The following FSD1 variants were observed in gnomAD, a reference collection of about 807,000 sequenced individuals.
The protein encoded by FSD1 is fibronectin type III and SPRY domain-containing protein 1.
FSD1 carries 23 observed loss-of-function variants against 58.2 expected under a neutral mutation model. That is an observed-to-expected ratio of 0.40 (90% CI 0.28 to 0.56). The LOEUF (loss-of-function observed/expected upper bound fraction) is 0.56, where lower values mean the gene tolerates loss of function less well. Among genes scored for constraint, FSD1 ranks in the 20% least tolerant of loss-of-function variants. The pLI, the probability that FSD1 is intolerant of heterozygous loss-of-function variation, is 0.54. For missense variants in FSD1, 563 were observed against 670.8 expected, an observed-to-expected ratio of 0.84 and a Z score of 1.78; for synonymous variants, 265 against 263.4, an observed-to-expected ratio of 1.01 and a Z score of -0.06.
intron 3 of FSD1, among the ~76,000 whole-genome samples, 162 bp from the exon 4 acceptor site, chr19:4,307,720 G>C (rs536267424): frequency 1.3e-5 from 2 of 152,156 alleles, no homozygotes; most frequent in African/African-American, 2.4e-5. Context: ...TGCTCCCCGA[G>C]CCCAGCCCCA....
In FSD1 at chr19:4,310,612, A is replaced by G. The variant is rs754230869; in HGVS notation, c.490+16A>G. 6 of 1,609,364 alleles carry G rather than the reference A, an allele frequency of 3.7e-6. No individual in the cohort carries two copies. The highest frequency in any genetic ancestry group is 2.7e-5 in the African/African-American group (2 of 74,912). On this transcript the variant is annotated intron_variant, in intron 6 of 12. Transcript: ENST00000221856. ...TTCCTGCCTGGTGAGAGGGGCACGC[A>G]CTAGAGGGCCAGGACTTCCGGGGAA...
chr19:4,305,916 CTGTG>C, intron 1 of FSD1, 26 bp from the exon 2 acceptor site: 1 of 1,516,866 alleles, frequency 6.6e-7, no homozygotes, highest in South Asian at 1.1e-5. Context: ...GTGTGTGCAC[CTGTG>C]TGTGTCCACA....
In FSD1 at chr19:4,323,085, G is replaced by T; in HGVS notation, c.1139G>T (p.Arg380Leu). The change falls in exon 11 of 13, where the codon CGC (arginine) becomes CTC (leucine). Residue 380 changes from arginine (R) to leucine (L), a missense_variant. Physicochemically the swap from Arg to Leu is moderately radical, Grantham distance 102. Transcript: ENST00000221856. The surrounding 1 kb of genome is among the most constrained non-coding windows in gnomAD (Gnocchi z 7.7). ...GGCGTGGCCTACCGCAGCCTGGGCCGCTTCGAGCAACTGGGCAAGACGGCC... is the reference window on the plus strand; with the variant it reads ...GGCGTGGCCTACCGCAGCCTGGGCCTCTTCGAGCAACTGGGCAAGACGGCC... ...GVGVAYRSLG[R>L]FEQLGKTAAS... 1 of 1,610,176 alleles carries T rather than the reference G, an allele frequency of 6.2e-7. No homozygotes were observed. Among genetic ancestry groups the T allele is most frequent in the South Asian group, 1.1e-5 (1 of 91,076 alleles).
At chr19:4,315,201 C>G (rs74172635) in intron 7 of FSD1, among the ~76,000 whole-genome samples, 13 of 151,916 alleles carry the variant, frequency 8.6e-5, no homozygotes, top group Non-Finnish European at 1.6e-4. Context: ...TCTCGGCTCT[C>G]TGCAACCTCT....
rs1599536304 is a variant in FSD1 at position 4,311,994 on chromosome 19, G to A, written c.643G>A (p.Glu215Lys). The change falls in exon 7 of 13, where the codon GAG becomes AAG. Residue 215 changes from glutamate to lysine, a missense_variant. Transcript: ENST00000221856. ...CTTCGAGGGCCCGCCCCGCCTCAAG[G>A]AGGACCAGCCCTGGATGGTCATCGA... The part of the protein sequence containing the change: ...TNFEGPPRLK[E>K]DQPWMVIEGI... 6.2e-7 allele frequency: 1 copy of A among 1,613,460 alleles called. No homozygotes were observed. The highest frequency in any genetic ancestry group is 8.5e-7 in the Non-Finnish European group (1 of 1,180,036).
intron 4 of FSD1, among the ~76,000 whole-genome samples, chr19:4,308,225 C>T (rs556924537): frequency 4.6e-5 from 7 of 151,754 alleles, no homozygotes; most frequent in East Asian, 3.9e-4. Flanking sequence ...CTGGCCAACA[C>T]GGGGAAACCC....
At chr19:4,310,420 C>T in intron 5 of FSD1, 55 bp from the exon 6 acceptor site, 4 of 1,604,060 alleles carry the variant, frequency 2.5e-6, no homozygotes, top group Non-Finnish European at 3.4e-6. Context: ...CCCCCTCGCG[C>T]CACGGATGAC....
Position 4,323,097 on chromosome 19 carries a change from T to G in FSD1, c.1151T>G (p.Leu384Arg), listed in dbSNP as rs755189864. The stretch of plus-strand genomic sequence containing the variant: ...CGCAGCCTGGGCCGCTTCGAGCAAC[T>G]GGGCAAGACGGCCGCCTCCTGGTGC... The part of the protein sequence containing the change: ...AYRSLGRFEQ[L>R]GKTAASWCLH... The change falls in exon 11 of 13, where the codon CTG (leucine) becomes CGG (arginine). Residue 384 changes from leucine to arginine, a missense_variant. Leu to Arg is a moderately radical substitution (Grantham distance 102). Coordinates refer to ENST00000221856, the MANE Select transcript of FSD1 (RefSeq NM_024333.3). The surrounding 1 kb of genome is among the most constrained non-coding windows in gnomAD (Gnocchi z 7.7). 6.2e-7 allele frequency: 1 copy of G among 1,609,388 alleles called. No individual in the cohort carries two copies. Among genetic ancestry groups the G allele is most frequent in the Non-Finnish European group, 8.5e-7 (1 of 1,179,734 alleles).
chr19:4,307,303 G>A (rs1006432445), intron 3 of FSD1, among the ~76,000 whole-genome samples: 1 of 152,122 alleles, frequency 6.6e-6, no homozygotes, highest in Non-Finnish European at 1.5e-5. Context: ...CGATCCTCCT[G>A]CCTTGGCCTC....
chr19:4,320,688 C>G (rs1013617798), intron 10 of FSD1, among the ~76,000 whole-genome samples: 2 of 151,024 alleles, frequency 1.3e-5, no homozygotes, highest in African/African-American at 4.9e-5. Flanking sequence ...ATAGCTGGGA[C>G]TTGAGGAGCA....
chr19:4,318,229 C>T, intron 8 of FSD1, 117 bp from the exon 9 acceptor site: 1 of 1,341,128 alleles, frequency 7.5e-7, no homozygotes, highest in Non-Finnish European at 1.0e-6. Flanking sequence ...ATCTCCTTGG[C>T]TCTTTGATTC....
chr19:4,309,646 A>G (rs1236606947), intron 4 of FSD1, among the ~76,000 whole-genome samples: 1 of 152,166 alleles, frequency 6.6e-6, no homozygotes. Flanking sequence ...GCAGTGGCTC[A>G]CGCCTGTAAT....
chr19:4,317,547 G>A (rs1490349081), intron 8 of FSD1, among the ~76,000 whole-genome samples: 4 of 152,204 alleles, frequency 2.6e-5, no homozygotes, highest in African/African-American at 9.7e-5. Context: ...GTCCTCTATA[G>A]AGCTGGGGAT....
intron 7 of FSD1, among the ~76,000 whole-genome samples, chr19:4,312,808 A>C: frequency 7.9e-6 from 1 of 125,928 alleles, no homozygotes; most frequent in East Asian, 2.0e-4. Context: ...CCGTCTCAAA[A>C]AATAAATAAA....
intron 4 of FSD1, among the ~76,000 whole-genome samples, chr19:4,308,350 G>A (rs1197434124): frequency 2.0e-5 from 3 of 152,174 alleles, no homozygotes; most frequent in African/African-American, 4.8e-5. Flanking sequence ...AGAGGTTGCC[G>A]TGAGCTGAGA....
In FSD1 at chr19:4,322,858, TG is replaced by T; in HGVS notation, c.1040-124del. 15 of 1,170,432 alleles carry T rather than the reference TG, an allele frequency of 1.3e-5. No homozygotes were observed. In the South Asian group the frequency reaches 2.1e-4, roughly 17 times the overall value. The allele number at this position is 1,170,432 out of a possible 1,614,324, so 72.5% of individuals were successfully genotyped here. On this transcript the variant is annotated intron_variant, in intron 10 of 12. Transcript: ENST00000221856. ...TATCTGGGGGGTACAGCTAGGAACC[TG>T]GGGAGTGTCTCTGCAGGGAGCAGCT...
At chr19:4,306,390 C>T (rs1030821275) in intron 3 of FSD1, 61 bp downstream of exon 3, 43 of 1,576,660 alleles carry the variant, frequency 2.7e-5, no homozygotes, top group Non-Finnish European at 3.6e-5. Context: ...ACGTAGCTGA[C>T]CTCGGCACCT....
intron 6 of FSD1, 148 bp downstream of exon 6, chr19:4,310,744 G>T (rs1332396250): frequency 9.0e-6 from 8 of 885,982 alleles, no homozygotes; most frequent in East Asian, 5.4e-5. Flanking sequence ...TCCACGCCCT[G>T]TGGGGGGTGG....
At position 4,313,674 on chromosome 19, in the gene FSD1, C is replaced by T. The variant is rs149433138; in HGVS notation, c.700+1623C>T. On this transcript the variant is annotated intron_variant, in intron 7 of 12. Transcript: ENST00000221856. Reference sequence around the variant, plus strand: ...CAGAAGTTGCAGTGAGCTGAGATTGCGCCACTGAGCTCCAGCCTGGTTACA... The same window carrying T: ...CAGAAGTTGCAGTGAGCTGAGATTGTGCCACTGAGCTCCAGCCTGGTTACA... 1.2e-4 allele frequency among the ~76,000 whole-genome samples: 18 copies of T among 148,982 alleles called. 1 individual carries two copies. Among genetic ancestry groups the T allele is most frequent in the Admixed American group, 6.8e-5 (1 of 14,780 alleles).
Sources: gnomAD v4.1 joint callset for allele counts (sites outside exome capture counted in the v4.1 genomes callset) on GRCh38, gnomAD v4.1.1 for gene constraint, Gnocchi (gnomAD v3.1) non-coding constraint, MANE v1.5 for transcripts, NCBI Gene and HGNC (gene_info 2026-07-23, HGNC 2026-07-21) for gene names.